Variants in SLC43A2 observed in about 807,000 individuals in gnomAD.
The protein encoded by SLC43A2 is solute carrier family 43 member 2.
A neutral mutation model predicts 63.2 loss-of-function variants in SLC43A2; 38 were observed. That is an observed-to-expected ratio of 0.60 (90% confidence interval 0.46 to 0.79). SLC43A2 has a LOEUF of 0.79. SLC43A2 is among the 30% of genes least tolerant of loss of function. SLC43A2 has a pLI of 0.00. For missense variants in SLC43A2, 644 were observed against 756.2 expected (o/e 0.85, Z 1.74); for synonymous variants, 322 against 331.0 (o/e 0.97, Z 0.30).
In SLC43A2 at chr17:1,614,970, G is replaced by A; in HGVS notation, c.424+9C>T. 1 of 1,613,808 alleles carries A rather than the reference G, an allele frequency of 6.2e-7. No individual in the cohort carries two copies. The highest frequency in any genetic ancestry group is 8.5e-7 in the Non-Finnish European group (1 of 1,179,882). On this transcript the variant is annotated intron_variant, in intron 4 of 13. Transcript: ENST00000301335. ...TCCCTGACAGAAGATGGAGGGAGAG[G>A]ACACTCACCGTTTGGTTTACTTGCT...
chr17:1,604,989 G>A, intron 5 of SLC43A2: 1 of 1,443,830 alleles, frequency 6.9e-7, no homozygotes. Flanking sequence ...GGCCTCGAGG[G>A]CTGGCGGAGG....
chr17:1,616,484 C>A, intron 3 of SLC43A2, 78 bp downstream of exon 3: 1 of 1,404,446 alleles, frequency 7.1e-7, no homozygotes, highest in South Asian at 1.3e-5. Flanking sequence ...CAGGTACGAC[C>A]AGGATACCCT....
Position 1,574,507 on chromosome 17 carries a change from C to A in SLC43A2, c.*1097G>T, listed in dbSNP as rs1305886160. ...CACAACTCACCCCTCTAAGCACGCC[C>A]AGGAGGTCTCAAGACACACTTCTGG... On this transcript the variant is annotated 3_prime_UTR_variant, in exon 14 of 14. Coordinates refer to ENST00000301335, the MANE Select transcript of SLC43A2 (RefSeq NM_152346.3). 1 of 152,582 alleles carries A rather than the reference C, an allele frequency of 6.6e-6. No individual in the cohort carries two copies. Among genetic ancestry groups the A allele is most frequent in the Non-Finnish European group, 1.5e-5 (1 of 68,040 alleles). 9.5% of individuals were successfully genotyped at this position (152,582 alleles called of 1,614,324 possible).
chr17:1,609,817 T>A (rs1480253022), intron 5 of SLC43A2, among the ~76,000 whole-genome samples: 1 of 150,656 alleles, frequency 6.6e-6, no homozygotes, highest in African/African-American at 2.4e-5. Context: ...TCACAGTTCT[T>A]TTTTTTTTAA....
chr17:1,576,841 TTCCTTC>T (rs1239528194), intron 12 of SLC43A2, 121 bp from the exon 13 acceptor site: 1 of 1,233,470 alleles, frequency 8.1e-7, no homozygotes, highest in African/African-American at 1.5e-5. Flanking sequence ...AGCCCTCGGA[TTCCTTC>T]CTGCTGGGCA....
intron 2 of SLC43A2, among the ~76,000 whole-genome samples, chr17:1,622,916 AAAAAT>A (rs1027765808): frequency 1.3e-5 from 2 of 151,026 alleles, no homozygotes; most frequent in Non-Finnish European, 2.9e-5. Context: ...TCCATCTCAA[AAAAAT>A]AAAATAAAAT....
intron 9 of SLC43A2, chr17:1,586,826 C>A (rs145505966): frequency 4.9e-4 from 496 of 1,009,536 alleles, no homozygotes; most frequent in African/African-American, 4.7e-3. Context: ...CCAGTTTTAC[C>A]CCCACGGCTC....
At chr17:1,613,372 C>A in intron 4 of SLC43A2, 101 bp from the exon 5 acceptor site, 1 of 992,934 alleles carries the variant, frequency 1.0e-6, no homozygotes, top group Non-Finnish European at 1.6e-6. Context: ...CCAGTAAATC[C>A]AGTAAACGCA....
At chr17:1,615,842 C>CAAAAAATA (rs1555544172) in intron 3 of SLC43A2, among the ~76,000 whole-genome samples, 2 of 118,840 alleles carry the variant, frequency 1.7e-5, no homozygotes, top group African/African-American at 6.6e-5. Flanking sequence ...GACTCCATCT[C>CAAAAAATA]AATAAATAAA....
chr17:1,593,284 G>A lies in SLC43A2; in HGVS notation c.502-5C>T, dbSNP rs1904992529. 2.5e-6 allele frequency: 4 copies of A among 1,613,130 alleles called. No homozygotes were observed. The highest frequency in any genetic ancestry group is 3.4e-6 in the Non-Finnish European group (4 of 1,179,610). On this transcript the variant is annotated splice_polypyrimidine_tract_variant and splice_region_variant and intron_variant, in intron 5 of 13. Coordinates refer to ENST00000301335, the MANE Select transcript of SLC43A2 (RefSeq NM_152346.3). The surrounding 1 kb of genome is among the most constrained non-coding windows in gnomAD (Gnocchi z 5.3). ...GTCGCCGAACATGTTGGGCAGCTGA[G>A]AGATAAGAAGCAGAGAAACCTCAGT... is the stretch of plus-strand genomic sequence containing the variant.
chr17:1,602,482 C>T (rs1906149758), intron 5 of SLC43A2, among the ~76,000 whole-genome samples: 1 of 151,892 alleles, frequency 6.6e-6, no homozygotes, highest in Non-Finnish European at 1.5e-5. Flanking sequence ...CTCGTCTTTA[C>T]TAAAAATACA....
In SLC43A2 at chr17:1,577,457, C is replaced by T. The variant is rs1010466503; in HGVS notation, c.1425-737G>A. ...ACCCTGCCAGGACAGCCACAGCTTC[C>T]TCCAGGCCTGGGGAGGGGCAGGCGG... On this transcript the variant is annotated intron_variant, in intron 12 of 13. Coordinates refer to ENST00000301335, the MANE Select transcript of SLC43A2 (RefSeq NM_152346.3). This position sits in a 1 kb window ranked among gnomAD's most constrained non-coding sequence, Gnocchi z 4.9. Among the ~76,000 whole-genome samples, 1 of 152,234 alleles carries T rather than the reference C, an allele frequency of 6.6e-6. No individual in the cohort carries two copies. The highest frequency in any genetic ancestry group is 2.4e-5 in the African/African-American group (1 of 41,466).
At chr17:1,580,708 T>C (rs1451642781) in intron 11 of SLC43A2, among the ~76,000 whole-genome samples, 1 of 148,818 alleles carries the variant, frequency 6.7e-6, no homozygotes, top group Non-Finnish European at 1.5e-5. Flanking sequence ...ATTACAGGCA[T>C]GTGCCACCAG....
At position 1,606,822 on chromosome 17, in the gene SLC43A2, G is replaced by A. The variant is rs1441272838; in HGVS notation, c.501+6373C>T. 6.6e-6 allele frequency among the ~76,000 whole-genome samples: 1 copy of A among 152,236 alleles called. No homozygotes were observed. The highest frequency in any genetic ancestry group is 1.5e-5 in the Non-Finnish European group (1 of 68,020). ...GATGGCACGCGATGGCCCAGGCCCT[G>A]TGCTGCAGGGCCCTGGGAGAGCCAG... On this transcript the variant is annotated intron_variant, in intron 5 of 13. Coordinates refer to ENST00000301335, the MANE Select transcript of SLC43A2 (RefSeq NM_152346.3). This position sits in a 1 kb window ranked among gnomAD's most constrained non-coding sequence, Gnocchi z 4.7.
At chr17:1,582,657 C>T (rs1221777245) in intron 11 of SLC43A2, among the ~76,000 whole-genome samples, 1 of 152,182 alleles carries the variant, frequency 6.6e-6, no homozygotes. Context: ...GGGGAGGAGT[C>T]CCTTTGCAGA....
At chr17:1,589,420 C>T (rs760851835) in intron 9 of SLC43A2, among the ~76,000 whole-genome samples, 5 of 152,102 alleles carry the variant, frequency 3.3e-5, no homozygotes, top group Non-Finnish European at 5.9e-5. Context: ...ACCTGGGCAA[C>T]ACAGCAAGAC....
At chr17:1,591,506 CG>C (rs541979634) in intron 7 of SLC43A2, 35 bp from the exon 8 acceptor site, 20 of 1,611,374 alleles carry the variant, frequency 1.2e-5, no homozygotes, top group Middle Eastern at 3.4e-4. Flanking sequence ...GGGTGCTGCC[CG>C]GGACCCCGGC....
chr17:1,605,014 A>G lies in SLC43A2; in HGVS notation c.501+8181T>C. 3 of 1,431,794 alleles carry G rather than the reference A, an allele frequency of 2.1e-6. No homozygotes were observed. The highest frequency in any genetic ancestry group is 2.7e-6 in the Non-Finnish European group (3 of 1,094,298). 88.7% of individuals were successfully genotyped at this position (1,431,794 alleles called of 1,614,324 possible). A position where few individuals can be genotyped will look rare whatever the true frequency, so the allele number is the denominator to read the frequency against. On this transcript the variant is annotated intron_variant, in intron 5 of 13. Transcript: ENST00000301335. The surrounding 1 kb of genome is among the most constrained non-coding windows in gnomAD (Gnocchi z 4.9). The stretch of plus-strand genomic sequence containing the variant: ...GCTGGCGGAGGGGAAGGACCCCAGG[A>G]GGGGAAGGACCAGCTTTGCTGCCAA...
chr17:1,628,230 G>A (rs1209747970), intron 1 of SLC43A2: 1 of 192,850 alleles, frequency 5.2e-6, no homozygotes, highest in Non-Finnish European at 1.1e-5. Context: ...GCTCAGGGCC[G>A]TGGAACTAGT....
Sources: allele counts gnomAD v4.1 joint callset (sites outside exome capture counted in the v4.1 genomes callset), GRCh38; gene constraint gnomAD v4.1.1; non-coding constraint Gnocchi (gnomAD v3.1); transcripts MANE v1.5; gene names NCBI Gene and HGNC (gene_info 2026-07-23, HGNC 2026-07-21).